Variants in ABTB3 observed in about 807,000 individuals in gnomAD.
ABTB3 encodes ankyrin repeat- and BTB/POZ domain-containing protein 3.
At chr12:107,637,602 C>T in the ABTB3 span, among the ~76,000 whole-genome samples, 2 of 152,086 alleles carry the variant, frequency 1.3e-5, no homozygotes, top group South Asian at 2.1e-4. Context: ...GCTAGCATAA[C>T]TAAAGGTCAC....
At chr12:107,443,731 A>T in the ABTB3 span, among the ~76,000 whole-genome samples, 1 of 147,374 alleles carries the variant, frequency 6.8e-6, no homozygotes, top group East Asian at 2.0e-4. Context: ...TCATAATCTA[A>T]GCTATAGTCT....
At chr12:107,654,559 A>G in the ABTB3 span, among the ~76,000 whole-genome samples, 1 of 152,116 alleles carries the variant, frequency 6.6e-6, no homozygotes, top group Non-Finnish European at 1.5e-5. Context: ...TCAGCCTCCC[A>G]AAGTGTTGGG....
At chr12:107,575,616 G>T in the ABTB3 span, among the ~76,000 whole-genome samples, 2,352 of 152,234 alleles carry the variant, frequency 0.015, 59 homozygotes, top group African/African-American at 0.052. Context: ...CTATTTCCTT[G>T]TCTTTTCCAG....
At chr12:107,491,895 G>A in the ABTB3 span, among the ~76,000 whole-genome samples, 1 of 151,794 alleles carries the variant, frequency 6.6e-6, no homozygotes, top group South Asian at 2.1e-4. Context: ...TTGAGGAGAA[G>A]ATTATAAAAG....
chr12:107,543,835 A>G, the ABTB3 span: 7 of 1,079,456 alleles, frequency 6.5e-6, no homozygotes. Context: ...TATTTAAATA[A>G]GGGACTGCAA....
the ABTB3 span, among the ~76,000 whole-genome samples, chr12:107,492,758 A>T: frequency 2.0e-5 from 3 of 152,090 alleles, no homozygotes; most frequent in Non-Finnish European, 2.9e-5. Flanking sequence ...AAAACAAAAA[A>T]ACAGTGTCTC....
the ABTB3 span, among the ~76,000 whole-genome samples, chr12:107,388,657 C>G: frequency 6.6e-6 from 1 of 152,100 alleles, no homozygotes; most frequent in Non-Finnish European, 1.5e-5. Flanking sequence ...TCCTGGAGCC[C>G]TTGAAGGCCC....
chr12:107,556,364 G>A, the ABTB3 span, among the ~76,000 whole-genome samples: 2 of 152,112 alleles, frequency 1.3e-5, no homozygotes, highest in Admixed American at 6.5e-5. Flanking sequence ...CCAGAGTGCT[G>A]GGATTACAGG....
At chr12:107,426,000 T>C in the ABTB3 span, among the ~76,000 whole-genome samples, 1 of 152,142 alleles carries the variant, frequency 6.6e-6, no homozygotes, top group Non-Finnish European at 1.5e-5. Flanking sequence ...ACAGAAGGCA[T>C]TTGCATTTCT....
At chr12:107,466,354 G>A in the ABTB3 span, among the ~76,000 whole-genome samples, 352 of 152,228 alleles carry the variant, frequency 2.3e-3, 1 homozygote, top group African/African-American at 8.0e-3. Flanking sequence ...TTGGGACACC[G>A]TGAGGTAGGG....
the ABTB3 span, among the ~76,000 whole-genome samples, chr12:107,407,979 C>G: frequency 2.6e-4 from 39 of 152,156 alleles, 1 homozygote; most frequent in East Asian, 6.2e-3. Flanking sequence ...ATGCTTCCCC[C>G]CAACCCCCAA....
chr12:107,580,762 C>T, the ABTB3 span: 2 of 1,423,698 alleles, frequency 1.4e-6, no homozygotes, highest in Non-Finnish European at 9.3e-7. Flanking sequence ...TAACACGGGG[C>T]GCTGATTGGT....
chr12:107,552,655 T>C, the ABTB3 span, among the ~76,000 whole-genome samples: 1 of 152,216 alleles, frequency 6.6e-6, no homozygotes, highest in Admixed American at 6.5e-5. Context: ...CCAAAGTTAA[T>C]GAAATCGAAG....
chr12:107,347,060 G>C, the ABTB3 span, among the ~76,000 whole-genome samples: 27 of 152,294 alleles, frequency 1.8e-4, no homozygotes, highest in Admixed American at 7.2e-4. Flanking sequence ...ATTTAGAGCA[G>C]CATATATTAT....
the ABTB3 span, among the ~76,000 whole-genome samples, chr12:107,366,677 A>G: frequency 6.6e-6 from 1 of 152,190 alleles, no homozygotes; most frequent in Non-Finnish European, 1.5e-5. Context: ...TTTAGCAAAC[A>G]TGGTTTACTA....
the ABTB3 span, among the ~76,000 whole-genome samples, chr12:107,419,807 C>T: frequency 7.2e-5 from 11 of 152,278 alleles, no homozygotes; most frequent in East Asian, 1.9e-4. Flanking sequence ...AACCTTGATT[C>T]GAAGTTTCAG....
At chr12:107,616,476 A>G in the ABTB3 span, among the ~76,000 whole-genome samples, 1 of 152,258 alleles carries the variant, frequency 6.6e-6, no homozygotes, top group Non-Finnish European at 1.5e-5. Context: ...CAGCTATCTC[A>G]GGGGATGCAC....
the ABTB3 span, among the ~76,000 whole-genome samples, chr12:107,523,296 T>G: frequency 1.3e-5 from 2 of 152,180 alleles, no homozygotes; most frequent in South Asian, 4.1e-4. Context: ...CATCTGAATT[T>G]GGAAGTTGCG....
At chr12:107,645,384 C>T in the ABTB3 span, among the ~76,000 whole-genome samples, 1 of 152,264 alleles carries the variant, frequency 6.6e-6, no homozygotes, top group African/African-American at 2.4e-5. Context: ...TGCGAGGTAG[C>T]CATAATCCCC....
Sources: allele counts gnomAD v4.1 joint callset (sites outside exome capture counted in the v4.1 genomes callset), GRCh38; gene constraint gnomAD v4.1.1; transcripts MANE v1.5; gene names NCBI Gene and HGNC (gene_info 2026-07-23, HGNC 2026-07-21).